NTM: variants seen among roughly 807,000 people sequenced by gnomAD.
NTM encodes neurotrimin, also known as IgLON family member 2.
A neutral mutation model predicts 42.1 loss-of-function variants in NTM; 13 were observed. That is an observed-to-expected ratio of 0.31 (90% CI 0.20 to 0.49). The LOEUF is 0.49. Among genes scored for constraint, NTM ranks in the 20% least tolerant of loss-of-function variants. The pLI is 0.99. For synonymous variants in NTM, 187 were observed against 179.2 expected (o/e 1.04, Z -0.35); for missense variants, 373 against 452.8 (o/e 0.82, Z 1.60).
chr11:131,804,755 G>A (rs1454107201), intron 1 of NTM, among the ~76,000 whole-genome samples: 1 of 152,158 alleles, frequency 6.6e-6, no homozygotes, highest in Non-Finnish European at 1.5e-5. Context: ...ATGTGTCGAA[G>A]CTTAATCCCC....
At chr11:132,057,550 G>A (rs190169607) in intron 2 of NTM, among the ~76,000 whole-genome samples, 2 of 152,090 alleles carry the variant, frequency 1.3e-5, no homozygotes, top group East Asian at 3.9e-4. Flanking sequence ...GTCCCCTTTC[G>A]CCAAACACTT....
At chr11:132,130,378 T>G (rs1461174874) in intron 2 of NTM, among the ~76,000 whole-genome samples, 1 of 152,094 alleles carries the variant, frequency 6.6e-6, no homozygotes, top group Non-Finnish European at 1.5e-5. Flanking sequence ...AGGTACCGCA[T>G]TTTCCATTCT....
At chr11:131,674,129 G>A (rs1347028854) in intron 1 of NTM, among the ~76,000 whole-genome samples, 2 of 152,222 alleles carry the variant, frequency 1.3e-5, no homozygotes, top group East Asian at 3.9e-4. Context: ...GTCCTAGCAC[G>A]GGGTGCGGGC....
intron 1 of NTM, among the ~76,000 whole-genome samples, chr11:131,864,124 C>G (rs1413300751): frequency 6.6e-6 from 1 of 151,956 alleles, no homozygotes; most frequent in Non-Finnish European, 1.5e-5. Flanking sequence ...ACACAATTAC[C>G]CTGAAGACAA....
rs547256786 is a variant in NTM, at chr11:131,555,339, A to T, written c.82+184451A>T. On this transcript the variant is annotated intron_variant, in intron 1 of 8. Transcript: ENST00000683400. ...CTGGTTCTTAGGAGGAAGACAGGAT[A>T]ACAGAGCAGAATTCCATTGGACAGG... 2.6e-4 allele frequency among the ~76,000 whole-genome samples: 40 copies of T among 152,336 alleles called. No homozygotes were observed. The South Asian group carries it at 7.5e-3, about 28-fold the overall frequency.
chr11:131,510,444 T>C (rs142353563), intron 1 of NTM, among the ~76,000 whole-genome samples: 3 of 152,252 alleles, frequency 2.0e-5, no homozygotes, highest in African/African-American at 4.8e-5. Context: ...TGCCCTTTCA[T>C]GTTTCCTAGC....
chr11:131,695,699 C>G (rs1417519924), intron 1 of NTM, among the ~76,000 whole-genome samples: 1 of 152,140 alleles, frequency 6.6e-6, no homozygotes, highest in Non-Finnish European at 1.5e-5. Context: ...GATGGAGCAG[C>G]GGGTCGGATG....
At chr11:131,396,030 A>C (rs1341815062) in intron 1 of NTM, among the ~76,000 whole-genome samples, 4 of 152,170 alleles carry the variant, frequency 2.6e-5, no homozygotes, top group African/African-American at 9.7e-5. Flanking sequence ...AGGGGGCAGA[A>C]AGGGTTCTGG....
rs1210645888 is a variant in NTM, at chr11:132,336,715, T to C, written c.*1569T>C. The C allele has an allele frequency of 6.7e-6, 1 of 150,194 alleles. No homozygotes were observed. The highest frequency in any genetic ancestry group is 2.4e-5 in the African/African-American group (1 of 40,866). 9.3% of individuals were successfully genotyped at this position (150,194 alleles called of 1,614,324 possible). On this transcript the variant is annotated 3_prime_UTR_variant, in exon 9 of 9. Transcript: ENST00000683400. Reference sequence around the variant, plus strand: ...CCCTGAAAGTCTGGGAACCTGAGAGTCCTCGGGGAGGGGTCCTGGATGTGA... The same window carrying C: ...CCCTGAAAGTCTGGGAACCTGAGAGCCCTCGGGGAGGGGTCCTGGATGTGA...
chr11:132,005,037 T>C (rs1026197796), intron 2 of NTM, among the ~76,000 whole-genome samples: 8 of 152,150 alleles, frequency 5.3e-5, no homozygotes, highest in African/African-American at 1.9e-4. Flanking sequence ...GTGAAAACGT[T>C]ATAGTTGATG....
In NTM at chr11:132,303,712, CA is replaced by C. The variant is rs139688601; in HGVS notation, c.527-3958del. On this transcript the variant is annotated intron_variant, in intron 4 of 8. Transcript: ENST00000683400. The stretch of plus-strand genomic sequence containing the variant: ...AGATAGGGCACAGCTTTCTAGGTGA[CA>C]AAAAAAAAAAAAAAAAAACAATCTG... Among the ~76,000 whole-genome samples, 906 of 113,070 alleles carry C rather than the reference CA, an allele frequency of 8.0e-3. 7 individuals carry two copies. The highest frequency in any genetic ancestry group is 0.035 in the South Asian group (121 of 3,418). 74.2% of individuals were successfully genotyped at this position (113,070 alleles called of 152,430 possible).
At chr11:131,447,145 C>T (rs959939410) in intron 1 of NTM, among the ~76,000 whole-genome samples, 8 of 152,158 alleles carry the variant, frequency 5.3e-5, no homozygotes, top group Non-Finnish European at 1.2e-4. Context: ...GAATATTCTC[C>T]TTTAGAGCAA....
chr11:131,781,804 C>T (rs1020453795), intron 1 of NTM, among the ~76,000 whole-genome samples: 10 of 152,164 alleles, frequency 6.6e-5, no homozygotes, highest in African/African-American at 2.4e-4. Flanking sequence ...TGCACTCTGC[C>T]TAGATGCACT....
At chr11:131,455,306 C>G (rs1379207906) in intron 1 of NTM, among the ~76,000 whole-genome samples, 1 of 152,142 alleles carries the variant, frequency 6.6e-6, no homozygotes, top group East Asian at 1.9e-4. Context: ...GGAGGCTCAC[C>G]CCAGAGGCTG....
intron 2 of NTM, among the ~76,000 whole-genome samples, chr11:132,103,161 C>T (rs2061838838): frequency 6.6e-6 from 1 of 152,232 alleles, no homozygotes; most frequent in Non-Finnish European, 1.5e-5. Flanking sequence ...CAGGCGCAGG[C>T]AGCACCTCCT....
chr11:131,486,625 G>A (rs7927166), intron 1 of NTM, among the ~76,000 whole-genome samples: 1,735 of 152,222 alleles, frequency 0.011, 34 homozygotes, highest in African/African-American at 0.039. Context: ...ATACAATTCC[G>A]CCTTTTGGAT....
chr11:131,523,750 T>C (rs1310107456), intron 1 of NTM, among the ~76,000 whole-genome samples: 3 of 128,478 alleles, frequency 2.3e-5, no homozygotes, highest in Non-Finnish European at 4.6e-5. Context: ...GCCACTGCAC[T>C]CTAGCCTGGC....
rs1479377313 is a variant in NTM, at chr11:131,467,366, G to A, written c.82+96478G>A. Among the ~76,000 whole-genome samples the A allele has an allele frequency of 1.3e-5, 2 of 152,156 alleles. 1 individual carries two copies. ...CCCATAACTCATCAGTAGTGGTCAG[G>A]AGGGAGCCCACCTCCCACCAGGAGG... On this transcript the variant is annotated intron_variant, in intron 1 of 8. Coordinates refer to ENST00000683400, the MANE Select transcript of NTM (RefSeq NM_001352005.2).
intron 2 of NTM, among the ~76,000 whole-genome samples, chr11:132,075,529 A>G (rs1164928103): frequency 6.6e-6 from 1 of 152,174 alleles, no homozygotes; most frequent in East Asian, 1.9e-4. Flanking sequence ...GTTGTTTTAT[A>G]CATATGTATA....
Sources: allele counts gnomAD v4.1 joint callset (sites outside exome capture counted in the v4.1 genomes callset), GRCh38; gene constraint gnomAD v4.1.1; transcripts MANE v1.5; gene names NCBI Gene and HGNC (gene_info 2026-07-23, HGNC 2026-07-21).